LRRC4C: variants seen among roughly 807,000 people sequenced by gnomAD.
LRRC4C encodes the protein leucine rich repeat containing 4C, also known as leucine-rich repeat-containing protein 4C.
LRRC4C carries 5 observed loss-of-function variants against 33.6 expected under a neutral mutation model. The observed-to-expected ratio is 0.15, with a 90% CI of 0.08 to 0.31. The LOEUF (loss-of-function observed/expected upper bound fraction) is 0.31, where lower values mean the gene tolerates loss of function less well. Among genes scored for constraint, LRRC4C ranks in the 10% least tolerant of loss-of-function variants. The pLI, the probability that LRRC4C is intolerant of heterozygous loss-of-function variation, is 1.00. For missense variants in LRRC4C, 560 were observed against 796.7 expected, an observed-to-expected ratio of 0.70 and a Z score of 3.58; for synonymous variants, 329 against 302.0, an observed-to-expected ratio of 1.09 and a Z score of -0.93.
At chr11:40,333,936 GA>G (rs1946481458) in intron 3 of LRRC4C, among the ~76,000 whole-genome samples, 1 of 151,944 alleles carries the variant, frequency 6.6e-6, no homozygotes, top group Admixed American at 6.6e-5. Context: ...AGGAAAGGAA[GA>G]GAAGAAATAA....
chr11:40,384,082 G>A (rs889193444), intron 3 of LRRC4C, among the ~76,000 whole-genome samples: 20 of 151,292 alleles, frequency 1.3e-4, no homozygotes, highest in African/African-American at 2.2e-4. Flanking sequence ...TCTATACTGT[G>A]GAGAAGTTTT....
chr11:40,469,828 C>T (rs60192192), intron 3 of LRRC4C, among the ~76,000 whole-genome samples: 3,712 of 152,296 alleles, frequency 0.024, 153 homozygotes, highest in African/African-American at 0.084. Flanking sequence ...GACTGCCTCT[C>T]TAGATTCCTC....
chr11:40,843,640 G>A (rs576522127), intron 2 of LRRC4C, among the ~76,000 whole-genome samples: 2 of 152,170 alleles, frequency 1.3e-5, no homozygotes, highest in South Asian at 4.1e-4. Flanking sequence ...CATTGGTAAG[G>A]ATACAAAGCA....
At chr11:40,936,254 G>A (rs1957892331) in intron 1 of LRRC4C, among the ~76,000 whole-genome samples, 1 of 147,514 alleles carries the variant, frequency 6.8e-6, no homozygotes, top group African/African-American at 2.5e-5. Flanking sequence ...GATAATTTAT[G>A]TTCACCTGAT....
chr11:40,505,449 A>G (rs370729513), intron 3 of LRRC4C, among the ~76,000 whole-genome samples: 12 of 152,264 alleles, frequency 7.9e-5, no homozygotes, highest in Non-Finnish European at 1.0e-4. Context: ...ATCAGACAGG[A>G]TTGAAGGAAA....
intron 3 of LRRC4C, among the ~76,000 whole-genome samples, chr11:40,566,439 T>C (rs1957772356): frequency 6.6e-6 from 1 of 152,110 alleles, no homozygotes; most frequent in Non-Finnish European, 1.5e-5. Flanking sequence ...GTAGATAATG[T>C]CATATAATCT....
chr11:41,352,013 A>G (rs1952001589), intron 1 of LRRC4C, among the ~76,000 whole-genome samples: 1 of 152,194 alleles, frequency 6.6e-6, no homozygotes, highest in Non-Finnish European at 1.5e-5. Context: ...ATGTGATAAA[A>G]TCCTCAGATA....
At chr11:40,286,011 G>A (rs1943811422) in intron 4 of LRRC4C, among the ~76,000 whole-genome samples, 1 of 152,130 alleles carries the variant, frequency 6.6e-6, no homozygotes, top group Non-Finnish European at 1.5e-5. Context: ...AGTGCCTGGT[G>A]CATATCAAAT....
At chr11:40,508,594 GA>G (rs1955154729) in intron 3 of LRRC4C, among the ~76,000 whole-genome samples, 1 of 152,146 alleles carries the variant, frequency 6.6e-6, no homozygotes, top group Admixed American at 6.5e-5. Flanking sequence ...TCCTAGGGAA[GA>G]AAATTCCTTC....
intron 5 of LRRC4C, among the ~76,000 whole-genome samples, chr11:40,231,092 C>G (rs546693660): frequency 6.6e-6 from 1 of 152,184 alleles, no homozygotes; most frequent in South Asian, 2.1e-4. Context: ...CATGGCTGGG[C>G]GTAGTGGCAC....
intron 1 of LRRC4C, among the ~76,000 whole-genome samples, chr11:41,428,590 A>G (rs993890578): frequency 3.3e-5 from 5 of 152,122 alleles, no homozygotes; most frequent in Non-Finnish European, 7.4e-5. Context: ...AAAGTCACAG[A>G]AAGGTTTGAG....
intron 3 of LRRC4C, among the ~76,000 whole-genome samples, chr11:40,338,227 A>T (rs1946715744): frequency 6.6e-6 from 1 of 152,188 alleles, no homozygotes; most frequent in Non-Finnish European, 1.5e-5. Flanking sequence ...GTCTCCTAAG[A>T]ACATGTTCTA....
intron 2 of LRRC4C, among the ~76,000 whole-genome samples, chr11:40,822,339 G>GTT (rs531126883): frequency 6.3e-5 from 9 of 142,552 alleles, no homozygotes; most frequent in African/African-American, 1.3e-4. Flanking sequence ...TTGATTCTAG[G>GTT]TTTTTTTTTT....
intron 3 of LRRC4C, among the ~76,000 whole-genome samples, chr11:40,512,962 T>C (rs1955391898): frequency 6.6e-6 from 1 of 151,984 alleles, no homozygotes; most frequent in African/African-American, 2.4e-5. Context: ...AAATCTACTG[T>C]AACAAGGCTG....
intron 3 of LRRC4C, among the ~76,000 whole-genome samples, chr11:40,499,215 T>C (rs778353511): frequency 8.5e-5 from 13 of 152,072 alleles, no homozygotes; most frequent in Non-Finnish European, 1.9e-4. Context: ...AGCTCTTAGG[T>C]GAACAGCATG....
chr11:41,288,246 G>C (rs184255739), intron 1 of LRRC4C, among the ~76,000 whole-genome samples: 1 of 152,140 alleles, frequency 6.6e-6, no homozygotes, highest in Admixed American at 6.5e-5. Context: ...TTGACAGTAC[G>C]TAATCTCCAT....
Position 40,116,349 on chromosome 11 carries a change from CA to C in LRRC4C, c.-42-16del, listed in dbSNP as rs532955654. 5.8e-5 allele frequency: 87 copies of C among 1,511,698 alleles called. No homozygotes were observed. Among genetic ancestry groups the C allele is most frequent in the Non-Finnish European group, 7.2e-5 (82 of 1,131,398 alleles). The allele number at this position is 1,511,698 out of a possible 1,614,324, so 93.6% of individuals were successfully genotyped here. On this transcript the variant is annotated splice_polypyrimidine_tract_variant and intron_variant, in intron 6 of 6. Transcript: ENST00000528697. ...ATTCAAACAGTCTGCAAAATACAAG[CA>C]AAAAAAACCAATTATTAGATTAGAT...
intron 3 of LRRC4C, among the ~76,000 whole-genome samples, chr11:40,489,524 A>G (rs1954039469): frequency 6.6e-6 from 1 of 152,064 alleles, no homozygotes; most frequent in Admixed American, 6.6e-5. Flanking sequence ...CATTATTTAT[A>G]TATATGAGTT....
chr11:40,476,200 C>A (rs1405742506), intron 3 of LRRC4C, among the ~76,000 whole-genome samples: 1 of 152,066 alleles, frequency 6.6e-6, no homozygotes, highest in Non-Finnish European at 1.5e-5. Flanking sequence ...TGTGGGTGTA[C>A]ACATACATGC....
Sources: allele counts gnomAD v4.1 joint callset (sites outside exome capture counted in the v4.1 genomes callset), GRCh38; gene constraint gnomAD v4.1.1; transcripts MANE v1.5; gene names NCBI Gene and HGNC (gene_info 2026-07-23, HGNC 2026-07-21).